Variants in GTF2F1 observed in about 807,000 individuals in gnomAD.
GTF2F1 encodes the protein general transcription factor IIF 74 kDa subunit.
GTF2F1 carries 39 observed loss-of-function variants against 63.5 expected under a neutral mutation model. The observed-to-expected ratio is 0.61, with a 90% CI of 0.48 to 0.80. The LOEUF (loss-of-function observed/expected upper bound fraction) is 0.80. Among genes scored for constraint, GTF2F1 ranks in the 30% least tolerant of loss-of-function variants. The pLI is 0.00. For missense variants in GTF2F1, 657 were observed against 718.3 expected, an observed-to-expected ratio of 0.91 and a Z score of 0.97; for synonymous variants, 287 against 285.3, an observed-to-expected ratio of 1.01 and a Z score of -0.06.
At chr19:6,382,092 C>T (rs1466310563) in intron 6 of GTF2F1, among the ~76,000 whole-genome samples, 5 of 152,146 alleles carry the variant, frequency 3.3e-5, no homozygotes, top group Admixed American at 6.5e-5. Context: ...ACCACCCGGG[C>T]GAGGCACCTG....
chr19:6,387,511 G>A lies in GTF2F1; in HGVS notation c.375C>T (p.Tyr125=), dbSNP rs2091978245. The A allele has an allele frequency of 1.9e-6, 3 of 1,614,178 alleles. No individual in the cohort carries two copies. Among genetic ancestry groups the A allele is most frequent in the South Asian group, 1.1e-5 (1 of 91,086 alleles). ...KGGVTENTSY[Y]IFTQCPDGAF... ...CCCCGTCGGGGCACTGGGTGAAGATGTAGTAGGACGTGTTCTCTGTTACGC... is the reference window on the plus strand; with the variant it reads ...CCCCGTCGGGGCACTGGGTGAAGATATAGTAGGACGTGTTCTCTGTTACGC... The change falls in exon 5 of 13, where the codon TAC becomes TAT. Residue 125 remains tyrosine (Y), a synonymous_variant. Transcript: ENST00000394456.
chr19:6,389,658 G>A (rs754059612), intron 3 of GTF2F1, 21 bp from the exon 4 acceptor site: 4 of 1,607,884 alleles, frequency 2.5e-6, no homozygotes, highest in Non-Finnish European at 3.4e-6. Flanking sequence ...AGGAAGCAAA[G>A]CCTCTCAGGG....
rs773158682 is a variant in GTF2F1 at position 6,389,486 on chromosome 19, T to C, written c.284A>G (p.Asp95Gly). The change falls in exon 4 of 13, where the codon GAC becomes GGC. Residue 95 changes from aspartate (D) to glycine (G), a missense_variant. Around this residue, in one of 2 missense-constraint regions of GTF2F1, gnomAD observed 602 missense variants for 625.6 expected, o/e 0.96. Transcript: ENST00000394456. ...GIVLKEFRPE[D>G]QPWLLRVNGK... ...GTTGACCCGGAGCAGCCAGGGCTGGTCCTCGGGCCGGAACTCCTTGAGGAC... is the reference window on the plus strand; with the variant it reads ...GTTGACCCGGAGCAGCCAGGGCTGGCCCTCGGGCCGGAACTCCTTGAGGAC... 3 of 1,614,148 alleles carry C rather than the reference T, an allele frequency of 1.9e-6. No individual in the cohort carries two copies. The South Asian group carries it at 3.3e-5, about 18-fold the overall frequency.
chr19:6,381,207 A>G lies in GTF2F1; in HGVS notation c.1019-12T>C, dbSNP rs910838971. The G allele has an allele frequency of 2.2e-5, 35 of 1,603,426 alleles. No individual in the cohort carries two copies. Among genetic ancestry groups the G allele is most frequent in the Middle Eastern group, 1.7e-4 (1 of 5,914 alleles). On this transcript the variant is annotated splice_polypyrimidine_tract_variant and intron_variant, in intron 9 of 12. Coordinates refer to ENST00000394456, the MANE Select transcript of GTF2F1 (RefSeq NM_002096.3). The surrounding 1 kb of genome is among the most constrained non-coding windows in gnomAD (Gnocchi z 4.1). ...CTCCTCGCTGCTGTCTGCGGGGCAC[A>G]GGAAAGGGGTCAGGGCCAGAGCAAC...
At position 6,381,299 on chromosome 19, in the gene GTF2F1, A is replaced by C; in HGVS notation, c.1018+60T>G. The C allele has an allele frequency of 6.5e-7, 1 of 1,544,558 alleles. No individual in the cohort carries two copies. On this transcript the variant is annotated intron_variant, in intron 9 of 12. Transcript: ENST00000394456. This position sits in a 1 kb window ranked among gnomAD's most constrained non-coding sequence, Gnocchi z 4.1. ...GGAGGCCTGCAGGGGAGAGGGGAGG[A>C]GGTGGCAGGGCGCCAGGGCCCGACC...
At position 6,380,974 on chromosome 19, in the gene GTF2F1, T is replaced by G. The variant is rs1459894465; in HGVS notation, c.1161A>C (p.Pro387=). The G allele has an allele frequency of 6.2e-7, 1 of 1,604,562 alleles. No individual in the cohort carries two copies. The change falls in exon 11 of 13, where the codon CCA becomes CCC. Residue 387 remains proline, a synonymous_variant. Transcript: ENST00000394456. This position sits in a 1 kb window ranked among gnomAD's most constrained non-coding sequence, Gnocchi z 5.3. Reference sequence around the variant, plus strand: ...TGCCACCCTCTGCGCTGGGCGTGCCTGGGCGGCTGTTGCCCCTTGAGCTCC... The same window carrying G: ...TGCCACCCTCTGCGCTGGGCGTGCCGGGGCGGCTGTTGCCCCTTGAGCTCC... ...SGGSSRGNSR[P]GTPSAEGGST...
rs182233096 is a variant in GTF2F1 at position 6,381,643 on chromosome 19, G to T, written c.837-28C>A. The T allele has an allele frequency of 2.5e-6, 4 of 1,614,006 alleles. No individual in the cohort carries two copies. Among genetic ancestry groups the T allele is most frequent in the African/African-American group, 1.3e-5 (1 of 75,066 alleles). On this transcript the variant is annotated intron_variant, in intron 7 of 12. Transcript: ENST00000394456. This position sits in a 1 kb window ranked among gnomAD's most constrained non-coding sequence, Gnocchi z 4.1. ...GTAAGACGGGGATGGCAAAGGATGA[G>T]CGCGCGCTCGCGAGGCTGCATGGGG...
intron 5 of GTF2F1, among the ~76,000 whole-genome samples, chr19:6,386,572 G>A (rs979969997): frequency 1.1e-4 from 16 of 149,646 alleles, no homozygotes; most frequent in Non-Finnish European, 2.1e-4. Context: ...AGCCTCCCGA[G>A]TACTGGGACT....
chr19:6,380,163 G>A lies in GTF2F1; in HGVS notation c.*118C>T. On this transcript the variant is annotated 3_prime_UTR_variant, in exon 13 of 13. Coordinates refer to ENST00000394456, the MANE Select transcript of GTF2F1 (RefSeq NM_002096.3). The surrounding 1 kb of genome is among the most constrained non-coding windows in gnomAD (Gnocchi z 5.3). ...GCAAGCAGGATGTCGAAGGGTCACT[G>A]AGAGCCTGAAGTTCTGGAGGGCAGA... 1.1e-6 allele frequency: 1 copy of A among 888,622 alleles called. No homozygotes were observed. The highest frequency in any genetic ancestry group is 1.4e-5 in the South Asian group (1 of 72,540). 55.0% of individuals were successfully genotyped at this position (888,622 alleles called of 1,614,324 possible).
Position 6,383,878 on chromosome 19 carries a change from C to A in GTF2F1, c.498-383G>T, listed in dbSNP as rs376787130. ...GTGATGTGATCTCGGCTCACTGCAA[C>A]CTCCGCCTCCTGGCTTCAAGCAATT... On this transcript the variant is annotated intron_variant, in intron 5 of 12. Transcript: ENST00000394456. This position sits in a 1 kb window ranked among gnomAD's most constrained non-coding sequence, Gnocchi z 4.5. Among the ~76,000 whole-genome samples, 196 of 152,162 alleles carry A rather than the reference C, an allele frequency of 1.3e-3. No individual in the cohort carries two copies. Among genetic ancestry groups the A allele is most frequent in the African/African-American group, 4.6e-3 (192 of 41,550 alleles).
Position 6,380,720 on chromosome 19 carries a change from G to A in GTF2F1, c.1232-30C>T. 6.2e-7 allele frequency: 1 copy of A among 1,600,462 alleles called. No homozygotes were observed. The highest frequency in any genetic ancestry group is 8.5e-7 in the Non-Finnish European group (1 of 1,175,130). On this transcript the variant is annotated intron_variant, in intron 11 of 12. Coordinates refer to ENST00000394456, the MANE Select transcript of GTF2F1 (RefSeq NM_002096.3). The surrounding 1 kb of genome is among the most constrained non-coding windows in gnomAD (Gnocchi z 5.3). Reference sequence around the variant, plus strand: ...GGGAGTGGGGTCAGGGCTGAGTCTTGCAGGCAGGAGGCAGAACCCCTGGGC... The same window carrying A: ...GGGAGTGGGGTCAGGGCTGAGTCTTACAGGCAGGAGGCAGAACCCCTGGGC...
chr19:6,389,407 G>A, intron 4 of GTF2F1, 37 bp downstream of exon 4: 1 of 1,596,898 alleles, frequency 6.3e-7, no homozygotes, highest in South Asian at 1.1e-5. Flanking sequence ...ATGTGGACTG[G>A]TCACTAAGCC....
intron 5 of GTF2F1, among the ~76,000 whole-genome samples, chr19:6,386,244 C>T (rs1199107991): frequency 6.6e-6 from 1 of 151,734 alleles, no homozygotes; most frequent in South Asian, 2.1e-4. Flanking sequence ...GTTAGCCAGG[C>T]GTGGTGGTGC....
intron 5 of GTF2F1, among the ~76,000 whole-genome samples, chr19:6,384,484 G>T (rs1031984033): frequency 6.6e-6 from 1 of 150,590 alleles, no homozygotes; most frequent in African/African-American, 2.5e-5. Flanking sequence ...CTCCAGCCTC[G>T]GTGACAGAGT....
chr19:6,381,493 G>T lies in GTF2F1; in HGVS notation c.899-15C>A. 1 of 1,608,266 alleles carries T rather than the reference G, an allele frequency of 6.2e-7. No homozygotes were observed. The highest frequency in any genetic ancestry group is 8.5e-7 in the Non-Finnish European group (1 of 1,179,538). On this transcript the variant is annotated splice_polypyrimidine_tract_variant and intron_variant, in intron 8 of 12. Transcript: ENST00000394456. This position sits in a 1 kb window ranked among gnomAD's most constrained non-coding sequence, Gnocchi z 4.1. Reference sequence around the variant, plus strand: ...CTCATCGACACCTGGGAGGGGCAGGGTATGAGCAAGAGCAGGGAAGCACCG... The same window carrying T: ...CTCATCGACACCTGGGAGGGGCAGGTTATGAGCAAGAGCAGGGAAGCACCG...
At chr19:6,391,239 T>C (rs868489853) in intron 3 of GTF2F1, among the ~76,000 whole-genome samples, 3 of 152,120 alleles carry the variant, frequency 2.0e-5, no homozygotes, top group Non-Finnish European at 2.9e-5. Context: ...CCCAAAGTCC[T>C]TTCTAGAGCC....
Position 6,381,695 on chromosome 19 carries a change from A to T in GTF2F1, c.836+2T>A, listed in dbSNP as rs2145073054. 6.2e-7 allele frequency: 1 copy of T among 1,614,136 alleles called. No homozygotes were observed. The highest frequency in any genetic ancestry group is 1.1e-5 in the South Asian group (1 of 91,074). ...CTCGCAGGCGCCTCCCGTCGGCCTC[A>T]CCTGGAGCCGTCTGACATGTAGTCC... On this transcript the variant is annotated splice_donor_variant, in intron 7 of 12. Coordinates refer to ENST00000394456, the MANE Select transcript of GTF2F1 (RefSeq NM_002096.3). LOFTEE classifies it high-confidence loss of function. The surrounding 1 kb of genome is among the most constrained non-coding windows in gnomAD (Gnocchi z 4.1).
Position 6,380,308 on chromosome 19 carries a change from G to A in GTF2F1, c.1527C>T (p.Asp509=). Residue 509 remains aspartate, a synonymous_variant, in exon 13 of 13, where the codon GAC becomes GAT. Transcript: ENST00000394456. The surrounding 1 kb of genome is among the most constrained non-coding windows in gnomAD (Gnocchi z 5.3). ...ACTCCTTGAGGGAGAAGTGCATTTT[G>A]TCGTTGATCATCTTGCGCTCGGGGT... The part of the protein sequence containing the change: ...RLNPERKMIN[D]KMHFSLKE 1 of 1,614,162 alleles carries A rather than the reference G, an allele frequency of 6.2e-7. No individual in the cohort carries two copies. The highest frequency in any genetic ancestry group is 8.5e-7 in the Non-Finnish European group (1 of 1,180,014).
intron 2 of GTF2F1, 96 bp from the exon 3 acceptor site, chr19:6,392,070 A>G: frequency 1.4e-6 from 1 of 697,630 alleles, no homozygotes; most frequent in Non-Finnish European, 2.6e-6. Flanking sequence ...TCAATCAACC[A>G]CCCAACTGGA....
Sources: allele counts gnomAD v4.1 joint callset (sites outside exome capture counted in the v4.1 genomes callset), GRCh38; gene constraint gnomAD v4.1.1; regional missense constraint gnomAD v4.1.1; non-coding constraint Gnocchi (gnomAD v3.1); transcripts MANE v1.5; gene names NCBI Gene and HGNC (gene_info 2026-07-23, HGNC 2026-07-21).